Variants in RERE observed in about 807,000 individuals in gnomAD.
RERE encodes arginine-glutamic acid dipeptide repeats protein.
RERE carries 40 observed loss-of-function variants against 146.1 expected under a neutral mutation model. The observed-to-expected ratio is 0.27, with a 90% CI of 0.21 to 0.36. The LOEUF (loss-of-function observed/expected upper bound fraction) is 0.36. RERE is among the 10% of genes least tolerant of loss of function. The pLI is 1.00. For missense variants in RERE, 1,933 were observed against 2,138.7 expected (o/e 0.90, Z 1.90); for synonymous variants, 1,003 against 866.0 (o/e 1.16, Z -2.78).
intron 1 of RERE, among the ~76,000 whole-genome samples, chr1:8,667,721 T>C (rs1570586171): frequency 6.6e-6 from 1 of 152,208 alleles, no homozygotes; most frequent in African/African-American, 2.4e-5. Context: ...AACTCATTCA[T>C]ACAAATAACT....
At chr1:8,448,095 T>C (rs1644344724) in intron 11 of RERE, among the ~76,000 whole-genome samples, 1 of 152,200 alleles carries the variant, frequency 6.6e-6, no homozygotes, top group South Asian at 2.1e-4. Context: ...AGTCCACCAC[T>C]GCCATTAGAA....
intron 1 of RERE, among the ~76,000 whole-genome samples, chr1:8,680,713 CA>C (rs1269483627): frequency 3.9e-5 from 6 of 152,138 alleles, no homozygotes; most frequent in Admixed American, 3.9e-4. Context: ...AGAAAGCACT[CA>C]GCTAGGATTA....
intron 11 of RERE, among the ~76,000 whole-genome samples, chr1:8,461,722 G>A (rs529881633): frequency 6.6e-6 from 1 of 152,314 alleles, no homozygotes; most frequent in South Asian, 2.1e-4. Flanking sequence ...CAGAATTCAT[G>A]ATTATCTGAA....
At chr1:8,521,229 CAAAG>C (rs1355915450) in intron 7 of RERE, among the ~76,000 whole-genome samples, 69 of 145,632 alleles carry the variant, frequency 4.7e-4, no homozygotes, top group African/African-American at 1.7e-3. Context: ...CATAAACACT[CAAAG>C]AGAGTAAGAA....
At chr1:8,490,970 TACCTC>T (rs1644972472) in intron 10 of RERE, among the ~76,000 whole-genome samples, 1 of 150,746 alleles carries the variant, frequency 6.6e-6, no homozygotes, top group Non-Finnish European at 1.5e-5. Context: ...ACATAAATCT[TACCTC>T]AATAAGTTGT....
chr1:8,557,267 C>T (rs900806637), intron 5 of RERE, 151 bp downstream of exon 5: 1 of 595,884 alleles, frequency 1.7e-6, no homozygotes, highest in Middle Eastern at 4.5e-4. Context: ...ACGTGACTAA[C>T]TGGTAGCCAA....
intron 11 of RERE, among the ~76,000 whole-genome samples, chr1:8,433,233 GT>G (rs1644118965): frequency 6.6e-6 from 1 of 152,156 alleles, no homozygotes; most frequent in African/African-American, 2.4e-5. Context: ...CAATTTCTAT[GT>G]CCCTGGTTCT....
chr1:8,437,212 A>G (rs1488488474), intron 11 of RERE, among the ~76,000 whole-genome samples: 1 of 152,176 alleles, frequency 6.6e-6, no homozygotes, highest in Non-Finnish European at 1.5e-5. Flanking sequence ...TCAGCTCCTG[A>G]TACAGGAGGG....
At chr1:8,503,122 AT>A (rs1645202830) in intron 8 of RERE, among the ~76,000 whole-genome samples, 2 of 151,002 alleles carry the variant, frequency 1.3e-5, no homozygotes, top group African/African-American at 4.9e-5. Flanking sequence ...AAATAAATAA[AT>A]AAATAAAAAA....
chr1:8,441,364 C>T (rs143016470), intron 11 of RERE, among the ~76,000 whole-genome samples: 1 of 152,338 alleles, frequency 6.6e-6, no homozygotes, highest in Non-Finnish European at 1.5e-5. Flanking sequence ...CTCTCTTCTT[C>T]TATCCCCACC....
At chr1:8,736,177 T>C (rs1338983366) in intron 1 of RERE, among the ~76,000 whole-genome samples, 1 of 116,414 alleles carries the variant, frequency 8.6e-6, no homozygotes, top group Non-Finnish European at 1.8e-5. Flanking sequence ...TTGTTCTGCA[T>C]TTAAACCATC....
At chr1:8,506,621 A>T (rs1416186998) in intron 8 of RERE, among the ~76,000 whole-genome samples, 1 of 152,212 alleles carries the variant, frequency 6.6e-6, no homozygotes, top group Non-Finnish European at 1.5e-5. Context: ...ATTCCCCAGC[A>T]TCCATTCCAA....
intron 2 of RERE, among the ~76,000 whole-genome samples, chr1:8,627,279 T>G (rs1184123294): frequency 6.6e-6 from 1 of 152,080 alleles, no homozygotes; most frequent in Non-Finnish European, 1.5e-5. Flanking sequence ...CTCAGAGAAA[T>G]GTACTCAATT....
intron 12 of RERE, among the ~76,000 whole-genome samples, chr1:8,401,848 T>C (rs1643272378): frequency 6.6e-6 from 1 of 152,106 alleles, no homozygotes; most frequent in African/African-American, 2.4e-5. Flanking sequence ...GTGTAAGTGA[T>C]GCTGTGTAAA....
intron 2 of RERE, among the ~76,000 whole-genome samples, chr1:8,639,681 T>C (rs934146672): frequency 3.9e-5 from 6 of 152,242 alleles, no homozygotes; most frequent in African/African-American, 1.4e-4. Flanking sequence ...GTAATTAAAC[T>C]ACTACTTTTC....
Position 8,360,774 on chromosome 1 carries a change from C to A in RERE, c.2733G>T (p.Gln911His), listed in dbSNP as rs979575207. Residue 911 changes from glutamine (Q) to histidine (H), a missense_variant, in exon 18 of 23, where the codon CAG becomes CAT. By Grantham distance (24) the Gln-to-His change is conservative. This residue lies in a region of RERE where 1,255 missense variants were observed against 1,153.8 expected (regional missense o/e 1.09). Transcript: ENST00000400908. ...PASQSALQSQQPPREQPLPPA... is the reference protein window; with the variant it reads ...PASQSALQSQHPPREQPLPPA... ...GTGGCAGGGGCTGCTCCCGTGGAGG[C>A]TGTTGGGACTGCAGCGCTGACTGAG... 2.5e-6 allele frequency: 4 copies of A among 1,595,764 alleles called. No homozygotes were observed. The highest frequency in any genetic ancestry group is 3.4e-6 in the Non-Finnish European group (4 of 1,175,828).
intron 12 of RERE, among the ~76,000 whole-genome samples, chr1:8,385,996 ATATATATATAT>A (rs1642645902): frequency 3.9e-5 from 1 of 25,362 alleles, no homozygotes; most frequent in African/African-American, 1.5e-4. Context: ...AAAAAAAAAT[ATATATATATAT>A]ATATATATAT....
intron 11 of RERE, chr1:8,425,066 G>A (rs1435914966): frequency 6.6e-6 from 1 of 152,466 alleles, no homozygotes; most frequent in Non-Finnish European, 1.5e-5. Context: ...AAGACTGGAT[G>A]AGGACTGTGC....
intron 1 of RERE, among the ~76,000 whole-genome samples, chr1:8,701,060 TG>T (rs1447895726): frequency 3.9e-5 from 6 of 152,158 alleles, no homozygotes; most frequent in African/African-American, 1.4e-4. Flanking sequence ...AAACCTTCAG[TG>T]TAAGATAAAA....
Sources: allele counts gnomAD v4.1 joint callset (sites outside exome capture counted in the v4.1 genomes callset), GRCh38; gene constraint gnomAD v4.1.1; regional missense constraint gnomAD v4.1.1; transcripts MANE v1.5; gene names NCBI Gene and HGNC (gene_info 2026-07-23, HGNC 2026-07-21).